Variants in PKHD1 observed in about 807,000 individuals in gnomAD.
PKHD1 encodes the protein PKHD1 ciliary IPT domain containing fibrocystin/polyductin, also known as fibrocystin.
A neutral mutation model predicts 412.0 loss-of-function variants in PKHD1; 291 were observed. The observed-to-expected ratio is 0.71, with a 90% CI of 0.64 to 0.78. PKHD1 has a LOEUF of 0.78. Among genes scored for constraint, PKHD1 ranks in the 30% least tolerant of loss-of-function variants. The pLI, the probability that PKHD1 is intolerant of heterozygous loss-of-function variation, is 0.00. For synonymous variants in PKHD1, 1,777 were observed against 1,821.5 expected, an observed-to-expected ratio of 0.98 and a Z score of 0.62; for missense variants, 4,825 against 4,950.7, an observed-to-expected ratio of 0.97 and a Z score of 0.76.
chr6:51,858,612 T>C (rs975189674), intron 48 of PKHD1, among the ~76,000 whole-genome samples: 6 of 150,202 alleles, frequency 4.0e-5, no homozygotes, highest in African/African-American at 1.2e-4. Flanking sequence ...CTTGGATTTA[T>C]TTAAATAAAT....
At chr6:51,750,444 A>C (rs1325746731) in intron 57 of PKHD1, among the ~76,000 whole-genome samples, 1 of 152,160 alleles carries the variant, frequency 6.6e-6, no homozygotes, top group Non-Finnish European at 1.5e-5. Context: ...TCAAGGCAAC[A>C]TGTCAGTATT....
chr6:51,901,691 A>T (rs199510571), intron 43 of PKHD1, among the ~76,000 whole-genome samples: 1 of 37,574 alleles, frequency 2.7e-5, no homozygotes, highest in Non-Finnish European at 4.1e-5. Context: ...AAAAAAACTT[A>T]AAAAAAAAAA....
intron 50 of PKHD1, among the ~76,000 whole-genome samples, chr6:51,842,952 C>T (rs1369604498): frequency 6.6e-6 from 1 of 152,214 alleles, no homozygotes; most frequent in East Asian, 1.9e-4. Context: ...CATTATCAGG[C>T]CCCAGTGTTG....
intron 44 of PKHD1, among the ~76,000 whole-genome samples, chr6:51,886,537 G>A (rs7765493): frequency 0.4 from 61,305 of 151,984 alleles, 13,594 homozygotes; most frequent in East Asian, 0.86. Context: ...GGTGAGGTAA[G>A]CCAGACACAG....
chr6:51,896,235 C>T (rs1375779662), intron 43 of PKHD1, among the ~76,000 whole-genome samples: 1 of 151,388 alleles, frequency 6.6e-6, no homozygotes, highest in East Asian at 1.9e-4. Context: ...AAACAGACAA[C>T]AGTAACCTCT....
In PKHD1 at chr6:52,033,176, A is replaced by T; in HGVS notation, c.3229-11T>A. 1 of 1,608,570 alleles carries T rather than the reference A, an allele frequency of 6.2e-7. No homozygotes were observed. Among genetic ancestry groups the T allele is most frequent in the South Asian group, 1.1e-5 (1 of 90,964 alleles). ...GCGTCCATCTTTCCCCTGAAAAATCAATTTTAAAAATTAAACCTCAGTTTT... is the reference window on the plus strand; with the variant it reads ...GCGTCCATCTTTCCCCTGAAAAATCTATTTTAAAAATTAAACCTCAGTTTT... On this transcript the variant is annotated splice_polypyrimidine_tract_variant and intron_variant, in intron 28 of 66. Transcript: ENST00000371117.
chr6:51,993,537 T>C (rs545314183), intron 35 of PKHD1, among the ~76,000 whole-genome samples: 1 of 152,276 alleles, frequency 6.6e-6, no homozygotes, highest in East Asian at 1.9e-4. Context: ...GGAGAAAAAA[T>C]AATCCCTCAG....
At chr6:51,824,177 CTATG>C (rs1766939001) in intron 52 of PKHD1, among the ~76,000 whole-genome samples, 1 of 151,998 alleles carries the variant, frequency 6.6e-6, no homozygotes, top group African/African-American at 2.4e-5. Flanking sequence ...ATCAACAATT[CTATG>C]TGTCTATAAT....
At chr6:51,889,578 C>A (rs1033758722) in intron 43 of PKHD1, among the ~76,000 whole-genome samples, 1 of 152,134 alleles carries the variant, frequency 6.6e-6, no homozygotes, top group Admixed American at 6.5e-5. Flanking sequence ...ATCTGGCAGG[C>A]TTTACCTGGG....
intron 35 of PKHD1, among the ~76,000 whole-genome samples, chr6:51,970,581 C>T (rs556183263): frequency 7.2e-5 from 11 of 152,198 alleles, no homozygotes; most frequent in African/African-American, 2.2e-4. Context: ...TTTATACTGT[C>T]GGGTGTTACA....
intron 37 of PKHD1, among the ~76,000 whole-genome samples, chr6:51,918,750 G>C (rs920058045): frequency 2.0e-5 from 3 of 152,114 alleles, no homozygotes; most frequent in African/African-American, 7.2e-5. Context: ...TCTGGTTCCT[G>C]ATCCTTGAGG....
intron 36 of PKHD1, among the ~76,000 whole-genome samples, chr6:51,947,434 C>T (rs1789635854): frequency 6.6e-6 from 1 of 152,182 alleles, no homozygotes; most frequent in South Asian, 2.1e-4. Flanking sequence ...GAAGAATAAA[C>T]TCTTCTATTT....
At chr6:52,064,171 G>A (rs1809138414) in intron 13 of PKHD1, among the ~76,000 whole-genome samples, 2 of 152,210 alleles carry the variant, frequency 1.3e-5, no homozygotes, top group South Asian at 2.1e-4. Flanking sequence ...TAGGTGCTGT[G>A]CCTCTAGAGT....
intron 60 of PKHD1, among the ~76,000 whole-genome samples, chr6:51,692,292 A>ACAC (rs1388963526): frequency 1.4e-5 from 1 of 69,184 alleles, no homozygotes; most frequent in African/African-American, 4.2e-5. Context: ...CACACACACC[A>ACAC]CTGAGTTCTG....
intron 60 of PKHD1, among the ~76,000 whole-genome samples, chr6:51,673,407 C>G (rs563644663): frequency 6.6e-6 from 1 of 152,346 alleles, no homozygotes; most frequent in Admixed American, 6.5e-5. Context: ...CACTATAAAG[C>G]TTTCCTACTT....
At chr6:51,660,891 C>T (rs1435836197) in intron 60 of PKHD1, among the ~76,000 whole-genome samples, 1 of 152,114 alleles carries the variant, frequency 6.6e-6, no homozygotes, top group Non-Finnish European at 1.5e-5. Context: ...TGGTGATCGA[C>T]TCAACCTTCA....
intron 55 of PKHD1, among the ~76,000 whole-genome samples, chr6:51,772,330 T>C (rs191806577): frequency 2.0e-5 from 3 of 152,128 alleles, no homozygotes; most frequent in African/African-American, 7.2e-5. Flanking sequence ...ATCTCCCTCC[T>C]ATTTTATTTC....
intron 35 of PKHD1, among the ~76,000 whole-genome samples, chr6:51,971,996 T>G (rs1245184586): frequency 2.0e-5 from 3 of 152,134 alleles, no homozygotes; most frequent in Admixed American, 2.0e-4. Flanking sequence ...CCTCCCAAAG[T>G]GCTGGGATTA....
At chr6:51,742,243 C>T (rs149847134) in intron 60 of PKHD1, among the ~76,000 whole-genome samples, 126 of 152,258 alleles carry the variant, frequency 8.3e-4, no homozygotes, top group African/African-American at 2.6e-3. Flanking sequence ...CACATTAAAA[C>T]GAACATTTAT....
Sources: allele counts gnomAD v4.1 joint callset (sites outside exome capture counted in the v4.1 genomes callset), GRCh38; gene constraint gnomAD v4.1.1; transcripts MANE v1.5; gene names NCBI Gene and HGNC (gene_info 2026-07-23, HGNC 2026-07-21).